P3H2: variants seen among roughly 807,000 people sequenced by gnomAD.
P3H2 encodes the protein prolyl 3-hydroxylase 2.
P3H2 carries 80 observed loss-of-function variants against 87.0 expected under a neutral mutation model. The ratio of observed to expected loss-of-function variants is 0.92; its 90% CI spans 0.77 to 1.11. P3H2 has a LOEUF of 1.11. Ranked by LOEUF, P3H2 falls within the 50% of genes least tolerant of loss-of-function variation. The pLI is 0.00. For synonymous variants in P3H2, 367 were observed against 359.3 expected (o/e 1.02, Z -0.24); for missense variants, 1,001 against 923.9 (o/e 1.08, Z -1.08).
In P3H2 at chr3:190,030,946, A is replaced by T. The variant is rs180912591; in HGVS notation, c.481-35504T>A. 5.2e-3 allele frequency among the ~76,000 whole-genome samples: 785 copies of T among 152,310 alleles called. 5 individuals carry two copies. Among genetic ancestry groups the T allele is most frequent in the Middle Eastern group, 0.044 (13 of 294 alleles). On this transcript the variant is annotated intron_variant, in intron 1 of 14. Transcript: ENST00000319332. ...TAGCCTCATATCCTGCTAAAAATAA[A>T]CTACAGATGAATTAAGAGTACGTAC...
intron 1 of P3H2, among the ~76,000 whole-genome samples, chr3:190,044,841 C>T (rs778536699): frequency 6.6e-6 from 1 of 152,158 alleles, no homozygotes; most frequent in Non-Finnish European, 1.5e-5. Flanking sequence ...GAAAAAGGGT[C>T]TCTGTTCTCA....
chr3:189,969,607 G>C (rs987504203), intron 13 of P3H2: 2 of 1,210,562 alleles, frequency 1.7e-6, no homozygotes, highest in Non-Finnish European at 2.5e-6. Flanking sequence ...CATGTGTACA[G>C]CCCTCTTCCT....
chr3:190,053,529 C>T (rs1726051872), intron 1 of P3H2, among the ~76,000 whole-genome samples: 1 of 150,554 alleles, frequency 6.6e-6, no homozygotes, highest in African/African-American at 2.4e-5. Context: ...ACAATCTCGG[C>T]TCACTGTAAC....
Position 190,048,986 on chromosome 3 carries a change from TG to T in P3H2, c.481-53545del, listed in dbSNP as rs200469704. On this transcript the variant is annotated intron_variant, in intron 1 of 14. Coordinates refer to ENST00000319332, the MANE Select transcript of P3H2 (RefSeq NM_018192.4). ...ACAAAAACGGGCTGCCTCTCACAGC[TG>T]TGTTGGAATTTGCTTCAGATTCTGC... 4.1e-3 allele frequency among the ~76,000 whole-genome samples: 618 copies of T among 152,328 alleles called. 4 individuals carry two copies. Among genetic ancestry groups the T allele is most frequent in the Middle Eastern group, 0.031 (9 of 294 alleles).
intron 13 of P3H2, chr3:189,968,882 A>G (rs1290961159): frequency 6.5e-6 from 1 of 154,740 alleles, no homozygotes; most frequent in African/African-American, 2.4e-5. Context: ...TGTTGGCCTC[A>G]TAAATGTCTT....
At chr3:189,963,568 C>T (rs1205138800) in intron 14 of P3H2, 1 of 225,516 alleles carries the variant, frequency 4.4e-6, no homozygotes, top group Non-Finnish European at 9.0e-6. Context: ...CCTCAGCTTC[C>T]CGAGTAACTG....
At chr3:189,959,058 T>C (rs1454559838) in intron 14 of P3H2, among the ~76,000 whole-genome samples, 1 of 151,932 alleles carries the variant, frequency 6.6e-6, no homozygotes, top group Non-Finnish European at 1.5e-5. Context: ...AGCCTCCAAA[T>C]TGCTCTCGCT....
rs967665253 is a variant in P3H2, at chr3:190,100,212, C to T, written c.480+20040G>A. Among the ~76,000 whole-genome samples, 277 of 149,814 alleles carry T rather than the reference C, an allele frequency of 1.8e-3. 1 individual carries two copies. Among genetic ancestry groups the T allele is most frequent in the African/African-American group, 6.5e-3 (266 of 40,706 alleles). On this transcript the variant is annotated intron_variant, in intron 1 of 14. Coordinates refer to ENST00000319332, the MANE Select transcript of P3H2 (RefSeq NM_018192.4). ...TCACGCCATTGCACTCCAGCCTGGG[C>T]GACAAAGAGCAAAACTCCGTCCCCC...
At chr3:190,041,127 C>T (rs1725617238) in intron 1 of P3H2, among the ~76,000 whole-genome samples, 1 of 124,732 alleles carries the variant, frequency 8.0e-6, no homozygotes, top group African/African-American at 2.8e-5. Context: ...TATATATAAG[C>T]TGGGCATGGT....
At chr3:190,027,419 T>C (rs1419399595) in intron 1 of P3H2, among the ~76,000 whole-genome samples, 1 of 152,074 alleles carries the variant, frequency 6.6e-6, no homozygotes, top group Admixed American at 6.5e-5. Flanking sequence ...TTAACCCACG[T>C]GAGGGACAGT....
intron 1 of P3H2, among the ~76,000 whole-genome samples, chr3:190,107,623 T>C (rs554384286): frequency 6.6e-6 from 1 of 152,320 alleles, no homozygotes; most frequent in Non-Finnish European, 1.5e-5. Context: ...GAGCTTCACC[T>C]AGAATTTCAA....
At chr3:189,997,315 G>A (rs1724082602) in intron 1 of P3H2, among the ~76,000 whole-genome samples, 1 of 152,190 alleles carries the variant, frequency 6.6e-6, no homozygotes, top group Non-Finnish European at 1.5e-5. Flanking sequence ...TCAATAGAGA[G>A]ATCCATTTAC....
At chr3:189,970,635 G>A (rs994532681) in intron 13 of P3H2, among the ~76,000 whole-genome samples, 181 bp downstream of exon 13, 26 of 151,810 alleles carry the variant, frequency 1.7e-4, no homozygotes, top group East Asian at 1.9e-4. Context: ...TCTTTACAAC[G>A]TACTAGATTT....
chr3:190,095,440 T>C (rs1244333701), intron 1 of P3H2, among the ~76,000 whole-genome samples: 1 of 148,162 alleles, frequency 6.7e-6, no homozygotes, highest in East Asian at 2.0e-4. Flanking sequence ...AATTCTGCAA[T>C]GTAAGCAAAC....
At chr3:190,052,124 C>A (rs1726002229) in intron 1 of P3H2, among the ~76,000 whole-genome samples, 1 of 152,108 alleles carries the variant, frequency 6.6e-6, no homozygotes, top group African/African-American at 2.4e-5. Context: ...GCAGAACGTG[C>A]AGGATTGTTA....
At position 190,120,544 on chromosome 3, in the gene P3H2, G is replaced by T; in HGVS notation, c.188C>A (p.Ala63Glu). The T allele has an allele frequency of 6.6e-7, 1 of 1,514,350 alleles. No individual in the cohort carries two copies. Among genetic ancestry groups the T allele is most frequent in the Admixed American group, 2.0e-5 (1 of 49,138 alleles). 93.8% of individuals were successfully genotyped at this position (1,514,350 alleles called of 1,614,324 possible). Residue 63 changes from alanine (A) to glutamate (E), a missense_variant, in exon 1 of 15, where the codon GCG (alanine) becomes GAG (glutamate). Transcript: ENST00000319332. ...CAGCGCCGCTTCCAAGTCGCGCACC[G>T]CTCGCTCGTAGTCTCCGCTGTAGTA... ...AAYYSGDYER[A>E]VRDLEAALRS...
chr3:190,049,442 A>G (rs1725906572), intron 1 of P3H2, among the ~76,000 whole-genome samples: 1 of 152,178 alleles, frequency 6.6e-6, no homozygotes. Context: ...AAGGGAAAAA[A>G]AGAAGAAAAA....
rs368346036 is a variant in P3H2, at chr3:190,066,388, G to A, written c.480+53864C>T. ...ATTCTAAGAGAAGTAACTCAGGAATGGAAAACAAAACATTGTATGTTCTCA... is the reference window on the plus strand; with the variant it reads ...ATTCTAAGAGAAGTAACTCAGGAATAGAAAACAAAACATTGTATGTTCTCA... On this transcript the variant is annotated intron_variant, in intron 1 of 14. Coordinates refer to ENST00000319332, the MANE Select transcript of P3H2 (RefSeq NM_018192.4). 2.2e-4 allele frequency among the ~76,000 whole-genome samples: 34 copies of A among 152,090 alleles called. 1 individual carries two copies. In the East Asian group the frequency reaches 5.8e-3, roughly 26 times the overall value.
At chr3:190,060,900 A>C (rs1317638707) in intron 1 of P3H2, among the ~76,000 whole-genome samples, 1 of 152,014 alleles carries the variant, frequency 6.6e-6, no homozygotes. Context: ...AACACTAAGC[A>C]CCTGCTTTAT....
Sources: gnomAD v4.1 joint callset for allele counts (sites outside exome capture counted in the v4.1 genomes callset) on GRCh38, gnomAD v4.1.1 for gene constraint, MANE v1.5 for transcripts, NCBI Gene and HGNC (gene_info 2026-07-23, HGNC 2026-07-21) for gene names.